PSEN1: variants seen among roughly 807,000 people sequenced by gnomAD.
PSEN1 encodes the protein presenilin-1.
In PSEN1, 15 loss-of-function variants were observed where a neutral mutation model predicts 53.5. The observed-to-expected ratio is 0.28, with a 90% CI of 0.19 to 0.43. The LOEUF is 0.43. PSEN1 is among the 20% of genes least tolerant of loss of function. PSEN1 has a pLI of 1.00. For missense variants in PSEN1, 387 were observed against 571.2 expected (o/e 0.68, Z 3.29); for synonymous variants, 208 against 209.8 (o/e 0.99, Z 0.08).
intron 1 of PSEN1, among the ~76,000 whole-genome samples, chr14:73,138,960 CTG>C (rs1896832748): frequency 7.3e-6 from 1 of 136,948 alleles, no homozygotes; most frequent in Non-Finnish European, 1.6e-5. Flanking sequence ...GAGCCAGACT[CTG>C]TCAAGAAAAA....
At chr14:73,192,604 T>C (rs765328424) in intron 6 of PSEN1, 40 bp from the exon 7 acceptor site, 1 of 1,381,450 alleles carries the variant, frequency 7.2e-7, no homozygotes, top group Admixed American at 1.7e-5. Context: ...TTGGTGAAAA[T>C]TATTGTACAT....
chr14:73,189,480 T>C (rs1202631432), intron 6 of PSEN1, among the ~76,000 whole-genome samples: 398 of 149,304 alleles, frequency 2.7e-3, no homozygotes, highest in East Asian at 9.2e-3. Context: ...GGCGTGGTGG[T>C]GGGTGCCTGT....
intron 8 of PSEN1, among the ~76,000 whole-genome samples, chr14:73,203,507 T>TA (rs1248429090): frequency 6.6e-6 from 1 of 152,230 alleles, no homozygotes; most frequent in Non-Finnish European, 1.5e-5. Flanking sequence ...GAAGTGGATA[T>TA]AAGCATGAAT....
chr14:73,152,262 G>C (rs890853571), intron 3 of PSEN1, among the ~76,000 whole-genome samples: 1 of 151,758 alleles, frequency 6.6e-6, no homozygotes, highest in Non-Finnish European at 1.5e-5. Flanking sequence ...TCAAGCATTC[G>C]AGGTTTTCTG....
rs1369926746 is a variant in PSEN1 at position 73,198,045 on chromosome 14, T to C, written c.784T>C (p.Leu262=). ...TCTTTTTCTAGATTTAGTGGCTGTT[T>C]TGTGTCCGAAAGGTCCACTTCGTAT... is the stretch of plus-strand genomic sequence containing the variant. ...VISVYDLVAV[L]CPKGPLRMLV... The change falls in exon 8 of 12, where the codon TTG becomes CTG. Residue 262 remains leucine (L), a synonymous_variant. Transcript: ENST00000324501. 5.6e-6 allele frequency: 9 copies of C among 1,606,562 alleles called. No homozygotes were observed. The highest frequency in any genetic ancestry group is 6.8e-6 in the Non-Finnish European group (8 of 1,173,674).
chr14:73,218,840 T>C (rs1900034146), intron 11 of PSEN1, among the ~76,000 whole-genome samples: 1 of 152,188 alleles, frequency 6.6e-6, no homozygotes, highest in African/African-American at 2.4e-5. Context: ...GATAGAAATT[T>C]CTGTATCTTT....
At position 73,219,952 on chromosome 14, in the gene PSEN1, C is replaced by G. The variant is rs541890226; in HGVS notation, c.*663C>G. ...CAATTCTTCTTCTCAAGCACTGACA[C>G]TCATTACCGTCTGTGATTGCCATTT... On this transcript the variant is annotated 3_prime_UTR_variant, in exon 12 of 12. Transcript: ENST00000324501. 2 of 152,940 alleles carry G rather than the reference C, an allele frequency of 1.3e-5. No individual in the cohort carries two copies. Among genetic ancestry groups the G allele is most frequent in the African/African-American group, 4.8e-5 (2 of 41,576 alleles). 9.5% of individuals were successfully genotyped at this position (152,940 alleles called of 1,614,324 possible). A position where few individuals can be genotyped will look rare whatever the true frequency, so the allele number is the denominator to read the frequency against.
chr14:73,194,197 T>G (rs948916488), intron 7 of PSEN1, among the ~76,000 whole-genome samples: 1 of 152,100 alleles, frequency 6.6e-6, no homozygotes, highest in Admixed American at 6.6e-5. Context: ...TTTCAGAGAT[T>G]AATATGTGAC....
At chr14:73,198,175 T>C (rs1395956017) in intron 8 of PSEN1, 46 bp downstream of exon 8, 1 of 1,139,408 alleles carries the variant, frequency 8.8e-7, no homozygotes, top group African/African-American at 1.5e-5. Flanking sequence ...GTGTAGAATT[T>C]ATCGGAACTG....
intron 3 of PSEN1, among the ~76,000 whole-genome samples, chr14:73,155,390 A>G (rs1195771595): frequency 6.6e-6 from 1 of 152,250 alleles, no homozygotes; most frequent in Non-Finnish European, 1.5e-5. Context: ...CTGAATGATT[A>G]GTACACTACC....
At chr14:73,141,791 G>A in intron 1 of PSEN1, among the ~76,000 whole-genome samples, 1 of 145,218 alleles carries the variant, frequency 6.9e-6, no homozygotes, top group East Asian at 2.1e-4. Flanking sequence ...ATCTTGGCCG[G>A]GTGCCGTGGC....
chr14:73,217,095 C>G (rs746270612), intron 10 of PSEN1, 31 bp from the exon 11 acceptor site: 14 of 1,612,886 alleles, frequency 8.7e-6, no homozygotes, highest in Non-Finnish European at 1.1e-5. Flanking sequence ...GAGTGACCAA[C>G]TTTTTAATAT....
chr14:73,216,752 C>T (rs1899932222), intron 10 of PSEN1, among the ~76,000 whole-genome samples: 3 of 150,354 alleles, frequency 2.0e-5, no homozygotes, highest in African/African-American at 7.4e-5. Flanking sequence ...GAGCAAAACT[C>T]CATCTCAAAA....
chr14:73,158,659 C>T (rs12588591), intron 3 of PSEN1, among the ~76,000 whole-genome samples: 30,220 of 152,064 alleles, frequency 0.2, 3,124 homozygotes, highest in African/African-American at 0.26. Context: ...ATGGAGTCTT[C>T]CTATGTTTCA....
chr14:73,161,061 G>A (rs1897521809), intron 3 of PSEN1, among the ~76,000 whole-genome samples: 3 of 141,254 alleles, frequency 2.1e-5, no homozygotes, highest in Non-Finnish European at 4.5e-5. Flanking sequence ...TGCAACTTCC[G>A]CCTCCCAGGC....
intron 8 of PSEN1, among the ~76,000 whole-genome samples, chr14:73,203,288 A>G (rs1223054362): frequency 2.0e-5 from 3 of 151,946 alleles, no homozygotes; most frequent in Admixed American, 6.6e-5. Flanking sequence ...GGGTTTCACC[A>G]TGTTGGCCAG....
At chr14:73,191,477 G>A (rs1448335558) in intron 6 of PSEN1, among the ~76,000 whole-genome samples, 1 of 152,014 alleles carries the variant, frequency 6.6e-6, no homozygotes, top group South Asian at 2.1e-4. Context: ...ATAAACTTTG[G>A]GTTTCAGATA....
At chr14:73,204,198 A>G (rs1411814014) in intron 8 of PSEN1, among the ~76,000 whole-genome samples, 2 of 151,386 alleles carry the variant, frequency 1.3e-5, no homozygotes, top group Non-Finnish European at 2.9e-5. Flanking sequence ...GGGTTTCTCC[A>G]TGTTGGTCAG....
chr14:73,174,034 T>C, intron 5 of PSEN1: 1 of 469,738 alleles, frequency 2.1e-6, no homozygotes, highest in Non-Finnish European at 3.8e-6. Flanking sequence ...ATGCATGGAA[T>C]CTATATGTCA....
Sources: gnomAD v4.1 joint callset for allele counts (sites outside exome capture counted in the v4.1 genomes callset) on GRCh38, gnomAD v4.1.1 for gene constraint, MANE v1.5 for transcripts, NCBI Gene and HGNC (gene_info 2026-07-23, HGNC 2026-07-21) for gene names.